Variants in RTL4 observed in about 807,000 individuals in gnomAD.
RTL4 encodes the protein retrotransposon Gag like 4.
A neutral mutation model predicts 5.3 loss-of-function variants in RTL4; 4 were observed. The observed-to-expected ratio is 0.75, with a 90% CI of 0.37 to 1.72. The LOEUF is 1.72. Ranked by LOEUF, RTL4 falls within the 40% of genes most tolerant of loss-of-function variation. The probability of loss-of-function intolerance (pLI) is 0.04; values close to 1 mark genes in which losing one functional copy is unlikely to be tolerated. For missense variants in RTL4, 260 were observed against 227.1 expected (o/e 1.14, Z -0.93); for synonymous variants, 98 against 87.3 (o/e 1.12, Z -0.68).
At chrX:112,187,473 A>G in the RTL4 span, among the ~76,000 whole-genome samples, 1 of 111,540 alleles carries the variant, frequency 9.0e-6, no homozygotes, top group Non-Finnish European at 1.9e-5. Context: ...GTGGTACAGA[A>G]CCCAACATTC....
the RTL4 span, among the ~76,000 whole-genome samples, chrX:112,171,098 T>C: frequency 8.9e-5 from 10 of 112,248 alleles, no homozygotes; most frequent in Middle Eastern, 4.6e-3. Context: ...AATGAAGCCA[T>C]CTTGATCATG....
the RTL4 span, among the ~76,000 whole-genome samples, chrX:112,277,441 T>C: frequency 9.0e-6 from 1 of 111,646 alleles, no homozygotes; most frequent in Non-Finnish European, 1.9e-5. Context: ...TAGAGAGAAC[T>C]GGAGGGAATA....
chrX:112,326,610 G>C, the RTL4 span, among the ~76,000 whole-genome samples: 1 of 112,112 alleles, frequency 8.9e-6, no homozygotes, highest in Non-Finnish European at 1.9e-5. Context: ...GGCTTGCCTA[G>C]GTAAACAAAG....
At chrX:112,359,401 C>T in the RTL4 span, among the ~76,000 whole-genome samples, 1 of 111,682 alleles carries the variant, frequency 9.0e-6, no homozygotes, top group Non-Finnish European at 1.9e-5. Flanking sequence ...TTCCCACTTT[C>T]CACCCCCTGA....
At chrX:112,251,630 ATGTGTGTG>A in the RTL4 span, among the ~76,000 whole-genome samples, 1 of 107,919 alleles carries the variant, frequency 9.3e-6, no homozygotes, top group African/African-American at 3.4e-5. Context: ...ATAATATATT[ATGTGTGTG>A]TGTGTGTGTG....
chrX:112,339,203 G>C, the RTL4 span, among the ~76,000 whole-genome samples: 2 of 112,141 alleles, frequency 1.8e-5, no homozygotes, highest in African/African-American at 6.5e-5. Flanking sequence ...AGACATCAGA[G>C]GCTTCATGGA....
At chrX:112,084,549 C>T in the RTL4 span, among the ~76,000 whole-genome samples, 2 of 110,938 alleles carry the variant, frequency 1.8e-5, no homozygotes, top group Non-Finnish European at 3.8e-5. Context: ...CATTCAAAGG[C>T]AGTTTTACTG....
the RTL4 span, among the ~76,000 whole-genome samples, chrX:112,264,921 A>G: frequency 1.8e-5 from 2 of 112,795 alleles, no homozygotes; most frequent in African/African-American, 6.4e-5. Context: ...TGTGTTCCCC[A>G]TAAGCACCAG....
At chrX:112,174,952 T>G in the RTL4 span, among the ~76,000 whole-genome samples, 6 of 75,948 alleles carry the variant, frequency 7.9e-5, no homozygotes, top group East Asian at 5.1e-4. Context: ...TAAATTTGTT[T>G]GAGTTCATTG....
the RTL4 span, among the ~76,000 whole-genome samples, chrX:112,194,507 A>G: frequency 0.091 from 10,198 of 111,726 alleles, 1,149 homozygotes; most frequent in African/African-American, 0.31. Flanking sequence ...CTGATCTTGG[A>G]CTTCCAGCCT....
chrX:112,142,130 T>C, the RTL4 span, among the ~76,000 whole-genome samples: 2 of 112,353 alleles, frequency 1.8e-5, no homozygotes, highest in African/African-American at 6.5e-5. Context: ...AGATGGCAAC[T>C]TGGTCTTTCA....
At chrX:112,242,552 C>G in the RTL4 span, among the ~76,000 whole-genome samples, 1 of 111,843 alleles carries the variant, frequency 8.9e-6, no homozygotes, top group South Asian at 3.7e-4. Flanking sequence ...ATTTTGTATC[C>G]TGAGTCTTTG....
the RTL4 span, among the ~76,000 whole-genome samples, chrX:112,321,485 G>A: frequency 1.2e-4 from 12 of 102,524 alleles, no homozygotes; most frequent in East Asian, 3.0e-4. Context: ...GTAGTGAGCC[G>A]AGATCATGCC....
chrX:112,384,959 C>A, the RTL4 span, among the ~76,000 whole-genome samples: 3 of 111,205 alleles, frequency 2.7e-5, no homozygotes, highest in Non-Finnish European at 5.7e-5. Flanking sequence ...GTATTTTATT[C>A]TCTTTATAGC....
At chrX:112,242,393 C>T in the RTL4 span, among the ~76,000 whole-genome samples, 5 of 111,338 alleles carry the variant, frequency 4.5e-5, no homozygotes, top group Non-Finnish European at 7.5e-5. Flanking sequence ...TTGTAGTTCT[C>T]CTTGAAGAGG....
the RTL4 span, among the ~76,000 whole-genome samples, chrX:112,267,665 A>T: frequency 1.1e-3 from 126 of 111,559 alleles, 1 homozygote; most frequent in East Asian, 0.034. Flanking sequence ...CCAAAATGGA[A>T]TTCCCCATCT....
the RTL4 span, among the ~76,000 whole-genome samples, chrX:112,394,194 T>TCTTCTTGC: frequency 1.2e-3 from 132 of 111,094 alleles, 2 homozygotes; most frequent in East Asian, 0.031. Flanking sequence ...GGGTGGGTTG[T>TCTTCTTGC]CTTCTTGCCT....
the RTL4 span, among the ~76,000 whole-genome samples, chrX:112,203,077 T>C: frequency 9.0e-6 from 1 of 111,214 alleles, no homozygotes; most frequent in Admixed American, 9.6e-5. Context: ...CAGAGAACTG[T>C]CTCTTCGTAT....
the RTL4 span, among the ~76,000 whole-genome samples, chrX:112,162,301 G>GTTT: frequency 8.9e-6 from 1 of 111,749 alleles, no homozygotes; most frequent in South Asian, 3.7e-4. Context: ...AAGGACTCAG[G>GTTT]TTTTCTGCTC....
Sources: gnomAD v4.1 joint callset for allele counts (sites outside exome capture counted in the v4.1 genomes callset) on GRCh38, gnomAD v4.1.1 for gene constraint, MANE v1.5 for transcripts, NCBI Gene and HGNC (gene_info 2026-07-23, HGNC 2026-07-21) for gene names.